The following APBB2 variants were observed in gnomAD, a reference collection of about 807,000 sequenced individuals.
APBB2 encodes Fe65-like 1.
APBB2 carries 38 observed loss-of-function variants against 82.5 expected under a neutral mutation model. The ratio of observed to expected loss-of-function variants is 0.46; its 90% CI spans 0.36 to 0.60. The LOEUF (loss-of-function observed/expected upper bound fraction) is 0.60. APBB2 is among the 20% of genes least tolerant of loss of function. APBB2 has a pLI of 0.00. For missense variants in APBB2, 772 were observed against 972.3 expected, an observed-to-expected ratio of 0.79 and a Z score of 2.74; for synonymous variants, 341 against 368.2, an observed-to-expected ratio of 0.93 and a Z score of 0.85.
At chr4:41,070,565 G>A (rs1011131943) in intron 3 of APBB2, among the ~76,000 whole-genome samples, 23 of 152,170 alleles carry the variant, frequency 1.5e-4, no homozygotes, top group Admixed American at 6.5e-5. Flanking sequence ...GCCTCCCAAA[G>A]TGCTGGGACT....
chr4:41,166,452 C>A (rs1448078667), intron 1 of APBB2, among the ~76,000 whole-genome samples: 1 of 151,872 alleles, frequency 6.6e-6, no homozygotes, highest in Non-Finnish European at 1.5e-5. Flanking sequence ...GTGGCATGTA[C>A]CTGTAGTCCC....
intron 10 of APBB2, among the ~76,000 whole-genome samples, chr4:40,908,757 C>T (rs1314848194): frequency 2.0e-5 from 3 of 152,190 alleles, no homozygotes; most frequent in Non-Finnish European, 2.9e-5. Context: ...GGGCTGGTCC[C>T]GAGGCTTCTC....
chr4:40,902,243 G>A (rs1241334776), intron 10 of APBB2, among the ~76,000 whole-genome samples: 15 of 152,188 alleles, frequency 9.9e-5, no homozygotes, highest in Admixed American at 9.8e-4. Context: ...AGGTTAGACA[G>A]CAGAGTGCTC....
intron 6 of APBB2, among the ~76,000 whole-genome samples, chr4:41,011,553 C>G (rs1808380618): frequency 6.6e-6 from 1 of 152,098 alleles, no homozygotes; most frequent in African/African-American, 2.4e-5. Context: ...GCCTCAGCCT[C>G]CCAGGTAGCT....
At chr4:41,134,736 T>A (rs914892787) in intron 2 of APBB2, among the ~76,000 whole-genome samples, 1 of 152,132 alleles carries the variant, frequency 6.6e-6, no homozygotes, top group African/African-American at 2.4e-5. Context: ...GCCACTCCCA[T>A]AAGATACTGA....
intron 2 of APBB2, among the ~76,000 whole-genome samples, chr4:41,113,720 T>C (rs1007255480): frequency 1.3e-5 from 2 of 152,214 alleles, no homozygotes; most frequent in Non-Finnish European, 2.9e-5. Flanking sequence ...TTGTTTGGTA[T>C]GATAATGGTG....
chr4:40,961,129 G>T (rs1793085894), intron 6 of APBB2, among the ~76,000 whole-genome samples: 1 of 152,136 alleles, frequency 6.6e-6, no homozygotes, highest in South Asian at 2.1e-4. Flanking sequence ...GACTGCTACT[G>T]CCAGGCTTCT....
intron 1 of APBB2, among the ~76,000 whole-genome samples, chr4:41,144,025 T>C (rs1017424632): frequency 6.6e-6 from 1 of 152,198 alleles, no homozygotes; most frequent in African/African-American, 2.4e-5. Flanking sequence ...GAAAACTCAA[T>C]GAGGGAATCT....
rs1794695667 is a variant in APBB2, at chr4:40,966,506, A to AT, written c.836-21434dup. On this transcript the variant is annotated intron_variant, in intron 6 of 17. Coordinates refer to ENST00000508593, the MANE Select transcript of APBB2 (RefSeq NM_004307.2). ...CGCAGCTACAGCCACCCAGCTGCTA[A>AT]TGTGGACCCAGGCATCTCTGTACTC... 2.0e-5 allele frequency among the ~76,000 whole-genome samples: 3 copies of AT among 152,262 alleles called. 1 individual carries two copies. In the South Asian group the frequency reaches 6.2e-4, roughly 32 times the overall value.
intron 6 of APBB2, among the ~76,000 whole-genome samples, chr4:40,948,382 G>A (rs1483622411): frequency 1.3e-5 from 2 of 152,086 alleles, no homozygotes; most frequent in Admixed American, 6.6e-5. Flanking sequence ...CCAGGAGTTC[G>A]AGACACAGCG....
intron 10 of APBB2, among the ~76,000 whole-genome samples, chr4:40,927,496 T>A (rs1312138420): frequency 6.6e-6 from 1 of 152,210 alleles, no homozygotes; most frequent in Non-Finnish European, 1.5e-5. Flanking sequence ...CCCTCTTTTT[T>A]TTAGAGACAG....
At chr4:40,828,791 C>T (rs1441632317) in intron 13 of APBB2, among the ~76,000 whole-genome samples, 1 of 152,236 alleles carries the variant, frequency 6.6e-6, no homozygotes, top group Non-Finnish European at 1.5e-5. Context: ...ATCTCAAGAC[C>T]AGTGCCCATC....
At chr4:40,860,105 TAC>T (rs946317591) in intron 12 of APBB2, among the ~76,000 whole-genome samples, 1 of 152,212 alleles carries the variant, frequency 6.6e-6, no homozygotes, top group African/African-American at 2.4e-5. Flanking sequence ...TTTATAAACT[TAC>T]AGAGTCTGGT....
chr4:40,893,225 C>G (rs201110229), intron 11 of APBB2, 40 bp downstream of exon 11: 3 of 1,599,480 alleles, frequency 1.9e-6, no homozygotes, highest in Non-Finnish European at 2.6e-6. Context: ...TGCAGGAGAA[C>G]GTAAACAGCC....
chr4:41,157,270 A>G lies in APBB2; in HGVS notation c.-416-14128T>C, dbSNP rs563625240. Among the ~76,000 whole-genome samples the G allele has an allele frequency of 2.0e-5, 3 of 152,158 alleles. No individual in the cohort carries two copies. The East Asian group carries it at 5.8e-4, about 29-fold the overall frequency. On this transcript the variant is annotated intron_variant, in intron 1 of 17. Transcript: ENST00000508593. ...TCAGCACAAGGCAAATCTTCCCCCG[A>G]CTATTTTTCCCTGGACTACTTTGTA...
At position 40,921,587 on chromosome 4, in the gene APBB2, A is replaced by G. The variant is rs186678181; in HGVS notation, c.1254+12869T>C. ...CCAAAACACGGTGAGATGCATAAGA[A>G]TATCTGAAGAGAAGAGATGAGCCTG... is the stretch of plus-strand genomic sequence containing the variant. On this transcript the variant is annotated intron_variant, in intron 10 of 17. Transcript: ENST00000508593. Among the ~76,000 whole-genome samples the G allele has an allele frequency of 1.2e-3, 187 of 152,328 alleles. 1 individual carries two copies. The highest frequency in any genetic ancestry group is 4.3e-3 in the African/African-American group (180 of 41,552).
chr4:41,206,420 T>C (rs1777947371), intron 1 of APBB2, among the ~76,000 whole-genome samples: 1 of 152,170 alleles, frequency 6.6e-6, no homozygotes, highest in African/African-American at 2.4e-5. Context: ...AGGCACAAAC[T>C]ATGTACTCAA....
intron 6 of APBB2, among the ~76,000 whole-genome samples, chr4:40,946,232 C>CTCAA (rs1788363614): frequency 1.3e-5 from 1 of 78,724 alleles, no homozygotes; most frequent in Non-Finnish European, 2.4e-5. Flanking sequence ...ACTCTATCTC[C>CTCAA]AAAAAAAAAA....
intron 10 of APBB2, among the ~76,000 whole-genome samples, chr4:40,907,373 A>ATTTTTT (rs1777213129): frequency 5.3e-5 from 2 of 37,418 alleles, no homozygotes; most frequent in African/African-American, 2.7e-4. Context: ...ATATATATAT[A>ATTTTTT]TATATATTTT....
Sources: allele counts gnomAD v4.1 joint callset (sites outside exome capture counted in the v4.1 genomes callset), GRCh38; gene constraint gnomAD v4.1.1; transcripts MANE v1.5; gene names NCBI Gene and HGNC (gene_info 2026-07-23, HGNC 2026-07-21).